PDPR: variants seen among roughly 807,000 people sequenced by gnomAD.
PDPR encodes pyruvate dehydrogenase phosphatase regulatory subunit, also known as pyruvate dehydrogenase phosphatase regulatory subunit, mitochondrial.
PDPR carries 50 observed loss-of-function variants against 102.2 expected under a neutral mutation model. The ratio of observed to expected loss-of-function variants is 0.49; its 90% confidence interval spans 0.39 to 0.62. PDPR has a LOEUF of 0.62. Ranked by LOEUF, PDPR falls within the 20% of genes least tolerant of loss-of-function variation. PDPR has a pLI of 0.00. For synonymous variants in PDPR, 259 were observed against 406.0 expected, an observed-to-expected ratio of 0.64 and a Z score of 4.35; for missense variants, 625 against 1,098.2, an observed-to-expected ratio of 0.57 and a Z score of 6.09.
chr16:70,135,152 C>G (rs1467491231), intron 9 of PDPR, among the ~76,000 whole-genome samples: 1 of 152,230 alleles, frequency 6.6e-6, no homozygotes, highest in Middle Eastern at 3.2e-3. Context: ...TTCTGCTGTC[C>G]ACTGGATTAT....
At chr16:70,123,966 A>C (rs1963639653) in intron 3 of PDPR, among the ~76,000 whole-genome samples, 1 of 152,248 alleles carries the variant, frequency 6.6e-6, no homozygotes, top group African/African-American at 2.4e-5. Flanking sequence ...GAGGTAGGAA[A>C]ATCACTTGAA....
At chr16:70,119,392 C>T (rs1460795451) in intron 2 of PDPR, among the ~76,000 whole-genome samples, 1 of 151,712 alleles carries the variant, frequency 6.6e-6, no homozygotes, top group Non-Finnish European at 1.5e-5. Context: ...TTTCATTCCC[C>T]TGCTAGTGAT....
At chr16:70,147,612 C>T (rs1966341373) in intron 16 of PDPR, 1 of 448,038 alleles carries the variant, frequency 2.2e-6, no homozygotes, top group Non-Finnish European at 4.5e-6. Context: ...CCCCAGGAAG[C>T]TGCTGATTAG....
At chr16:70,135,967 G>T (rs542396507) in intron 9 of PDPR, among the ~76,000 whole-genome samples, 40 of 152,246 alleles carry the variant, frequency 2.6e-4, no homozygotes, top group African/African-American at 9.4e-4. Context: ...TAATTGGCAG[G>T]CTGAGGTGAG....
intron 17 of PDPR, among the ~76,000 whole-genome samples, chr16:70,150,761 G>A (rs530482777): frequency 2.0e-5 from 3 of 152,244 alleles, no homozygotes; most frequent in South Asian, 2.1e-4. Flanking sequence ...ATCCTCTCAC[G>A]TCAGCCTCCC....
rs922556855 is a variant in PDPR, at chr16:70,157,310, T to C, written c.*431T>C. 1 of 416,990 alleles carries C rather than the reference T, an allele frequency of 2.4e-6. No individual in the cohort carries two copies. Among genetic ancestry groups the C allele is most frequent in the Non-Finnish European group, 4.7e-6 (1 of 211,488 alleles). 25.8% of individuals were successfully genotyped at this position (416,990 alleles called of 1,614,324 possible). A position where few individuals can be genotyped will look rare whatever the true frequency, so the allele number is the denominator to read the frequency against. On this transcript the variant is annotated 3_prime_UTR_variant, in exon 19 of 19. Coordinates refer to ENST00000288050, the MANE Select transcript of PDPR (RefSeq NM_017990.5). ...TCTTGGAGCAGCCTATTAGTTCTGG[T>C]GGGGTTGCCGTGTGTCGGATGCAGC...
At position 70,147,521 on chromosome 16, in the gene PDPR, A is replaced by T. The variant is rs1334482672; in HGVS notation, c.1963-943A>T. The T allele has an allele frequency of 2.6e-5, 11 of 417,668 alleles. No homozygotes were observed. The Admixed American group carries it at 3.1e-4, about 12-fold the overall frequency. The allele number at this position is 417,668 out of a possible 1,614,324, so 25.9% of individuals were successfully genotyped here. A position where few individuals can be genotyped will look rare whatever the true frequency, so the allele number is the denominator to read the frequency against. On this transcript the variant is annotated intron_variant, in intron 16 of 18. Coordinates refer to ENST00000288050, the MANE Select transcript of PDPR (RefSeq NM_017990.5). ...GTAGGTGAATCTCTGAACTTCCTAC[A>T]TAATTTTCTTTCCTATAAGTGGCAA... is the stretch of plus-strand genomic sequence containing the variant.
intron 10 of PDPR, among the ~76,000 whole-genome samples, chr16:70,136,659 T>C (rs1965171202): frequency 6.6e-6 from 1 of 152,214 alleles, no homozygotes; most frequent in Non-Finnish European, 1.5e-5. Flanking sequence ...TTTTTTCAGT[T>C]ATAACAAATA....
At chr16:70,143,153 C>T (rs1361084732) in intron 13 of PDPR, among the ~76,000 whole-genome samples, 2 of 152,052 alleles carry the variant, frequency 1.3e-5, no homozygotes, top group African/African-American at 4.8e-5. Context: ...TGCGCCACTG[C>T]ACTCAGCCTG....
intron 9 of PDPR, among the ~76,000 whole-genome samples, chr16:70,133,111 C>CTTTTTTT (rs140652740): frequency 0.011 from 1,042 of 97,230 alleles, 38 homozygotes; most frequent in African/African-American, 0.02. Flanking sequence ...TACCCAGCTG[C>CTTTTTTT]TTTTTTTTTT....
chr16:70,135,785 C>T (rs59116576), intron 9 of PDPR, among the ~76,000 whole-genome samples: 1 of 152,134 alleles, frequency 6.6e-6, no homozygotes, highest in African/African-American at 2.4e-5. Flanking sequence ...AAATCTCTTC[C>T]AGCCGGACGC....
intron 1 of PDPR, 96 bp downstream of exon 1, chr16:70,114,536 GC>G (rs1962430852): frequency 6.6e-6 from 1 of 152,184 alleles, no homozygotes; most frequent in South Asian, 2.1e-4. Flanking sequence ...CTTTGGTTTC[GC>G]CCGGGGGTGG....
At chr16:70,116,089 A>G (rs1962607654) in intron 2 of PDPR, among the ~76,000 whole-genome samples, 1 of 147,070 alleles carries the variant, frequency 6.8e-6, no homozygotes, top group East Asian at 2.0e-4. Flanking sequence ...GGCGCCAAGC[A>G]CCCTGGGCTT....
chr16:70,126,404 C>G (rs1165005314), intron 3 of PDPR, among the ~76,000 whole-genome samples: 1 of 152,270 alleles, frequency 6.6e-6, no homozygotes, highest in Admixed American at 6.5e-5. Context: ...CGCTCTGTCA[C>G]CCAGGCTGGA....
At chr16:70,116,941 G>A (rs1294322819) in intron 2 of PDPR, among the ~76,000 whole-genome samples, 1 of 151,744 alleles carries the variant, frequency 6.6e-6, no homozygotes, top group Admixed American at 6.6e-5. Flanking sequence ...TGTGCTTAAT[G>A]GTTCAGTCCT....
chr16:70,131,454 C>G, intron 8 of PDPR, 35 bp downstream of exon 8: 2 of 1,464,788 alleles, frequency 1.4e-6, no homozygotes, highest in East Asian at 4.9e-5. Flanking sequence ...AATCTTGTTT[C>G]TTTGCCAGTA....
At position 70,120,549 on chromosome 16, in the gene PDPR, G is replaced by A. The variant is rs747704491; in HGVS notation, c.57G>A (p.Trp19Ter). 1 of 1,614,014 alleles carries A rather than the reference G, an allele frequency of 6.2e-7. No individual in the cohort carries two copies. The highest frequency in any genetic ancestry group is 8.5e-7 in the Non-Finnish European group (1 of 1,179,890). Residue 19 changes from tryptophan to a stop codon, truncating the protein, a stop_gained, in exon 3 of 19, where the codon TGG (tryptophan) becomes TGA (stop). Coordinates refer to ENST00000288050, the MANE Select transcript of PDPR (RefSeq NM_017990.5). LOFTEE classifies it high-confidence loss of function. ...GAAGACAAAGAGCCAGCCCAGGATG[G>A]CAGAACTGGTCCTCTGCAAGAAACA... ...IVGRQRASPG[W>*]QNWSSARNST...
At chr16:70,131,795 C>T in intron 8 of PDPR, 1 of 1,363,716 alleles carries the variant, frequency 7.3e-7, no homozygotes, top group South Asian at 1.3e-5. Flanking sequence ...AGGGTTCTCA[C>T]ATCCTTTTGA....
At chr16:70,156,130 T>A (rs1055535403) in intron 18 of PDPR, among the ~76,000 whole-genome samples, 1 of 152,288 alleles carries the variant, frequency 6.6e-6, no homozygotes, top group Non-Finnish European at 1.5e-5. Flanking sequence ...CTGGCCAATA[T>A]AAAAACATTT....
Sources: gnomAD v4.1 joint callset for allele counts (sites outside exome capture counted in the v4.1 genomes callset) on GRCh38, gnomAD v4.1.1 for gene constraint, MANE v1.5 for transcripts, NCBI Gene and HGNC (gene_info 2026-07-23, HGNC 2026-07-21) for gene names.